MTR: variants seen among roughly 807,000 people sequenced by gnomAD.
MTR encodes the protein methionine synthase.
MTR carries 84 observed loss-of-function variants against 154.8 expected under a neutral mutation model. The observed-to-expected ratio is 0.54, with a 90% CI of 0.45 to 0.65. The LOEUF (loss-of-function observed/expected upper bound fraction) is 0.65. Ranked by LOEUF, MTR falls within the 30% of genes least tolerant of loss-of-function variation. MTR has a pLI of 0.00. For missense variants in MTR, 1,275 were observed against 1,570.2 expected (o/e 0.81, Z 3.18); for synonymous variants, 554 against 553.9 (o/e 1.00, Z 0.00).
intron 29 of MTR, among the ~76,000 whole-genome samples, chr1:236,893,077 C>G (rs1666419659): frequency 6.6e-6 from 1 of 152,136 alleles, no homozygotes; most frequent in South Asian, 2.1e-4. Flanking sequence ...TCTGAGTAGG[C>G]TCTGATTGCT....
intron 8 of MTR, among the ~76,000 whole-genome samples, chr1:236,819,068 G>C (rs1401325467): frequency 6.6e-6 from 1 of 152,028 alleles, no homozygotes; most frequent in Non-Finnish European, 1.5e-5. Context: ...AGCTTGCATT[G>C]GTGTGGTACA....
intron 1 of MTR, chr1:236,799,997 T>C: frequency 2.1e-6 from 2 of 945,592 alleles, no homozygotes; most frequent in Non-Finnish European, 1.3e-6. Flanking sequence ...TGTGTGGGGC[T>C]GGGTTGTTTT....
chr1:236,880,940 TAAAG>T, intron 25 of MTR, 104 bp downstream of exon 25: 1 of 1,199,228 alleles, frequency 8.3e-7, no homozygotes, highest in Non-Finnish European at 1.2e-6. Context: ...TTCTACTAAA[TAAAG>T]GTCAAAGAGC....
chr1:236,891,107 GAATTCT>G lies in MTR; in HGVS notation c.3008-19_3008-14del, dbSNP rs912930508. 1.2e-6 allele frequency: 2 copies of G among 1,613,182 alleles called. No homozygotes were observed. The highest frequency in any genetic ancestry group is 2.7e-5 in the African/African-American group (2 of 74,906). On this transcript the variant is annotated intron_variant, in intron 28 of 32. Transcript: ENST00000366577. ...ATGGTTATTTTTGGCATCTTTAAGT[GAATTCT>G]AATTCTGTTTTTCTAATAGGTGGAG...
chr1:236,868,474 C>CT (rs906136143), intron 22 of MTR, among the ~76,000 whole-genome samples: 5 of 152,072 alleles, frequency 3.3e-5, no homozygotes, highest in Non-Finnish European at 7.3e-5. Flanking sequence ...TATAGCATCT[C>CT]TGAGTTATGT....
At chr1:236,897,453 A>G in intron 32 of MTR, 105 bp from the exon 33 acceptor site, 1 of 1,115,708 alleles carries the variant, frequency 9.0e-7, no homozygotes, top group Non-Finnish European at 1.4e-6. Context: ...TGCTATTAAG[A>G]CAAGAAATGC....
chr1:236,873,729 A>G (rs765726386), intron 22 of MTR, 44 bp from the exon 23 acceptor site: 1 of 1,525,478 alleles, frequency 6.6e-7, no homozygotes, highest in Non-Finnish European at 9.1e-7. Context: ...TTTGTCTCTA[A>G]TGGGCTTTCA....
Position 236,835,697 on chromosome 1 carries a change from AGTTTAT to A in MTR, c.1329+17_1329+22del. ...GCCAGACATCGCAAAGGTTATACAAAGTTTATGTTTATCAGGGGGATTTACTTGTCT... is the reference window on the plus strand; with the variant it reads ...GCCAGACATCGCAAAGGTTATACAAAGTTTATCAGGGGGATTTACTTGTCT... On this transcript the variant is annotated intron_variant, in intron 14 of 32. Coordinates refer to ENST00000366577, the MANE Select transcript of MTR (RefSeq NM_000254.3). 6.2e-7 allele frequency: 1 copy of A among 1,613,250 alleles called. No individual in the cohort carries two copies. Among genetic ancestry groups the A allele is most frequent in the Non-Finnish European group, 8.5e-7 (1 of 1,179,884 alleles).
intron 12 of MTR, 42 bp from the exon 13 acceptor site, chr1:236,831,924 T>C: frequency 7.2e-7 from 1 of 1,383,174 alleles, no homozygotes. Context: ...ATGTCATCCA[T>C]ATGCATTTGC....
intron 27 of MTR, among the ~76,000 whole-genome samples, chr1:236,887,603 C>G (rs1666087330): frequency 6.6e-6 from 1 of 152,212 alleles, no homozygotes. Flanking sequence ...GAAATACCCT[C>G]CAAAGGCCCA....
chr1:236,875,259 T>C (rs1387411129), intron 24 of MTR, among the ~76,000 whole-genome samples: 1 of 152,196 alleles, frequency 6.6e-6, no homozygotes, highest in Non-Finnish European at 1.5e-5. Context: ...TGATTACAGG[T>C]TCCTTTGAAG....
In MTR at chr1:236,883,297, C is replaced by T. The variant is rs199933587; in HGVS notation, c.2677-1824C>T. Among the ~76,000 whole-genome samples, 17 of 152,254 alleles carry T rather than the reference C, an allele frequency of 1.1e-4. No individual in the cohort carries two copies. The East Asian group carries it at 2.1e-3, about 19-fold the overall frequency. The stretch of plus-strand genomic sequence containing the variant: ...GGTGGAAGGATCATGTAGGTTAGCG[C>T]ACATATTGACCATGAACTTGTTTCC... On this transcript the variant is annotated intron_variant, in intron 25 of 32. Coordinates refer to ENST00000366577, the MANE Select transcript of MTR (RefSeq NM_000254.3).
At chr1:236,825,140 A>ATTTT (rs749672025) in intron 9 of MTR, among the ~76,000 whole-genome samples, 198 bp from the exon 10 acceptor site, 1 of 114,146 alleles carries the variant, frequency 8.8e-6, no homozygotes, top group Non-Finnish European at 1.7e-5. Context: ...TTCCTCTGTG[A>ATTTT]TTTTTTTTTT....
chr1:236,893,663 A>G (rs1180127424), intron 29 of MTR, among the ~76,000 whole-genome samples: 4 of 152,202 alleles, frequency 2.6e-5, no homozygotes, highest in African/African-American at 7.2e-5. Context: ...TTTAATATGT[A>G]TAAGACTTTA....
At chr1:236,819,079 C>G (rs1472127750) in intron 8 of MTR, among the ~76,000 whole-genome samples, 1 of 152,108 alleles carries the variant, frequency 6.6e-6, no homozygotes, top group Admixed American at 6.5e-5. Flanking sequence ...GTGTGGTACA[C>G]CTATTACAAT....
intron 8 of MTR, among the ~76,000 whole-genome samples, chr1:236,822,980 C>G (rs750320739): frequency 3.9e-5 from 6 of 152,182 alleles, no homozygotes; most frequent in Middle Eastern, 3.4e-3. Context: ...TGTAGATACT[C>G]TTTATCAAGT....
chr1:236,836,429 G>T (rs1480490630), intron 14 of MTR, among the ~76,000 whole-genome samples: 2 of 152,082 alleles, frequency 1.3e-5, no homozygotes, highest in Non-Finnish European at 2.9e-5. Context: ...GAGAGGTCGG[G>T]TCTTGCTGTG....
intron 1 of MTR, chr1:236,800,227 T>C (rs543349240): frequency 2.0e-6 from 2 of 985,406 alleles, no homozygotes; most frequent in Non-Finnish European, 2.4e-6. Flanking sequence ...TGATTGATAT[T>C]GATTAATCAT....
chr1:236,880,862 T>C, intron 25 of MTR, 26 bp downstream of exon 25: 1 of 1,592,920 alleles, frequency 6.3e-7, no homozygotes, highest in Non-Finnish European at 8.6e-7. Flanking sequence ...TACATTTTAT[T>C]CCAGATGTGT....
Sources: gnomAD v4.1 joint callset for allele counts (sites outside exome capture counted in the v4.1 genomes callset) on GRCh38, gnomAD v4.1.1 for gene constraint, MANE v1.5 for transcripts, NCBI Gene and HGNC (gene_info 2026-07-23, HGNC 2026-07-21) for gene names.